RALGPS1: variants seen among roughly 807,000 people sequenced by gnomAD.
The protein encoded by RALGPS1 is ras-specific guanine nucleotide-releasing factor RalGPS1.
A neutral mutation model predicts 78.8 loss-of-function variants in RALGPS1; 19 were observed. That is an observed-to-expected ratio of 0.24 (90% CI 0.17 to 0.35). The LOEUF (loss-of-function observed/expected upper bound fraction) is 0.35, where lower values mean the gene tolerates loss of function less well. Ranked by LOEUF, RALGPS1 falls within the 10% of genes least tolerant of loss-of-function variation. The pLI is 1.00. For missense variants in RALGPS1, 454 were observed against 688.3 expected (o/e 0.66, Z 3.81); for synonymous variants, 228 against 256.3 (o/e 0.89, Z 1.06).
At chr9:126,960,173 TCCC>T (rs2038743529) in intron 1 of RALGPS1, among the ~76,000 whole-genome samples, 2 of 38,740 alleles carry the variant, frequency 5.2e-5, no homozygotes, top group African/African-American at 1.1e-4. Context: ...CTTCCCTCCC[TCCC>T]TCCCTCCCTC....
chr9:127,089,543 G>A (rs959081084), intron 8 of RALGPS1, among the ~76,000 whole-genome samples: 1 of 152,232 alleles, frequency 6.6e-6, no homozygotes, highest in Admixed American at 6.5e-5. Context: ...ATGGCCTGAG[G>A]TGGGCGGGGA....
intron 8 of RALGPS1, among the ~76,000 whole-genome samples, chr9:127,135,529 C>T (rs2057332310): frequency 6.6e-6 from 1 of 152,216 alleles, no homozygotes; most frequent in African/African-American, 2.4e-5. Flanking sequence ...GGAGCCAGGG[C>T]AAAGCCAAAG....
At chr9:127,041,152 C>T (rs1400987992) in intron 5 of RALGPS1, among the ~76,000 whole-genome samples, 1 of 151,400 alleles carries the variant, frequency 6.6e-6, no homozygotes, top group African/African-American at 2.4e-5. Flanking sequence ...AGTGCAGTGG[C>T]GTGATCTCAG....
At chr9:127,214,420 A>G (rs575895848) in intron 17 of RALGPS1, among the ~76,000 whole-genome samples, 23 of 152,332 alleles carry the variant, frequency 1.5e-4, no homozygotes, top group African/African-American at 5.5e-4. Flanking sequence ...CTATAGAATT[A>G]TACTGCTGGT....
At chr9:127,063,311 T>C (rs1312048707) in intron 7 of RALGPS1, among the ~76,000 whole-genome samples, 56 of 152,224 alleles carry the variant, frequency 3.7e-4, no homozygotes, top group Non-Finnish European at 2.5e-4. Context: ...TCTTCAGATA[T>C]TTCTCCAAGA....
rs1163953360 is a variant in RALGPS1, at chr9:127,213,007, C to A, written c.1510C>A (p.Pro504Thr). The A allele has an allele frequency of 6.2e-7, 1 of 1,614,086 alleles. No homozygotes were observed. Among genetic ancestry groups the A allele is most frequent in the Non-Finnish European group, 8.5e-7 (1 of 1,180,060 alleles). Residue 504 changes from proline to threonine, a missense_variant, in exon 17 of 19, where the codon CCC (proline) becomes ACC (threonine). Physicochemically the swap from Pro to Thr is conservative, Grantham distance 38. Coordinates refer to ENST00000259351, the MANE Select transcript of RALGPS1 (RefSeq NM_014636.3). Reference protein sequence around the residue: ...VGWMVQLPDDPEHPDIFQLNN... With the variant: ...VGWMVQLPDDTEHPDIFQLNN... Reference sequence around the variant, plus strand: ...CTGGATGGTGCAGCTGCCCGATGACCCCGAGCACCCAGATATCTTCCAGCT... The same window carrying A: ...CTGGATGGTGCAGCTGCCCGATGACACCGAGCACCCAGATATCTTCCAGCT...
chr9:127,108,209 T>G, intron 8 of RALGPS1: 1 of 1,614,100 alleles, frequency 6.2e-7, no homozygotes, highest in Non-Finnish European at 8.5e-7. Flanking sequence ...TCCTTGTACT[T>G]GCTGGCCAGC....
Position 127,041,031 on chromosome 9 carries a change from T to TTGTGTGTGTGTGTGTGTGTGTG in RALGPS1, c.300+6531_300+6552dup, listed in dbSNP as rs58541875. 2.1e-3 allele frequency among the ~76,000 whole-genome samples: 279 copies of TTGTGTGTGTGTGTGTGTGTGTG among 135,796 alleles called. 2 individuals carry two copies. Among genetic ancestry groups the TTGTGTGTGTGTGTGTGTGTGTG allele is most frequent in the East Asian group, 0.017 (76 of 4,516 alleles). The allele number at this position is 135,796 out of a possible 152,430, so 89.1% of individuals were successfully genotyped here. Reference sequence around the variant, plus strand: ...CTATGAATAAAGCTGCTACAAACATTTGTGTGTGTGTGTGTGTGTGTGTGT... The same window carrying TTGTGTGTGTGTGTGTGTGTGTG: ...CTATGAATAAAGCTGCTACAAACATTTGTGTGTGTGTGTGTGTGTGTGTGTGTGTGTGTGTGTGTGTGTGTGT... On this transcript the variant is annotated intron_variant, in intron 5 of 18. Transcript: ENST00000259351.
At chr9:127,103,524 A>C (rs2053932504) in intron 8 of RALGPS1, among the ~76,000 whole-genome samples, 2 of 152,236 alleles carry the variant, frequency 1.3e-5, no homozygotes, top group African/African-American at 4.8e-5. Flanking sequence ...ACCCCAGAGG[A>C]TATGTCCAGA....
intron 5 of RALGPS1, among the ~76,000 whole-genome samples, chr9:127,045,760 C>T (rs60277916): frequency 0.02 from 717 of 36,220 alleles, 3 homozygotes; most frequent in Middle Eastern, 0.047. Flanking sequence ...CACACACACA[C>T]ATACACACAC....
rs751839755 is a variant in RALGPS1, at chr9:127,166,132, A to G, written c.674A>G (p.Glu225Gly). The change falls in exon 9 of 19, where the codon GAA (glutamate) becomes GGA (glycine). Residue 225 changes from glutamate to glycine, a missense_variant. Glu to Gly is a moderately conservative substitution (Grantham distance 98). Coordinates refer to ENST00000259351, the MANE Select transcript of RALGPS1 (RefSeq NM_014636.3). ...SAYPASGSIM[E>G]NEQRSNQMNN... is the part of the protein sequence containing the mutation. The stretch of plus-strand genomic sequence containing the variant: ...TATCCTGCCTCAGGCAGTATCATGG[A>G]AAATGAACAAAGATCCAATCAGATG... 6.8e-6 allele frequency: 11 copies of G among 1,613,524 alleles called. No homozygotes were observed. The highest frequency in any genetic ancestry group is 9.3e-6 in the Non-Finnish European group (11 of 1,179,910).
chr9:126,922,188 G>A (rs550423580), intron 1 of RALGPS1, among the ~76,000 whole-genome samples: 36 of 152,296 alleles, frequency 2.4e-4, no homozygotes, highest in Middle Eastern at 6.8e-3. Context: ...CCATTATTCC[G>A]TGTAAATGAT....
At chr9:127,042,335 C>T (rs1461282035) in intron 5 of RALGPS1, among the ~76,000 whole-genome samples, 1 of 152,100 alleles carries the variant, frequency 6.6e-6, no homozygotes. Context: ...TGGGGTTATG[C>T]TCCGGGTGTG....
chr9:126,990,930 C>T (rs986240518), intron 4 of RALGPS1, among the ~76,000 whole-genome samples: 1 of 152,124 alleles, frequency 6.6e-6, no homozygotes, highest in Admixed American at 6.5e-5. Context: ...ACTAAAATCC[C>T]TTGAATCCTT....
At chr9:127,181,773 G>A (rs1252919974) in intron 11 of RALGPS1, among the ~76,000 whole-genome samples, 1 of 152,048 alleles carries the variant, frequency 6.6e-6, no homozygotes, top group Non-Finnish European at 1.5e-5. Context: ...GCAACTGGGG[G>A]AGAGGATACA....
chr9:127,122,019 C>T lies in RALGPS1; in HGVS notation c.611-44050C>T, dbSNP rs1224513339. 6.6e-6 allele frequency among the ~76,000 whole-genome samples: 1 copy of T among 152,186 alleles called. No homozygotes were observed. The highest frequency in any genetic ancestry group is 2.4e-5 in the African/African-American group (1 of 41,448). Reference sequence around the variant, plus strand: ...GCACACTCCCAGCTGCTCTGCCGTGCCGGGAGCTGCCGGCCGGCACCCCAA... The same window carrying T: ...GCACACTCCCAGCTGCTCTGCCGTGTCGGGAGCTGCCGGCCGGCACCCCAA... On this transcript the variant is annotated intron_variant, in intron 8 of 18. Transcript: ENST00000259351. The surrounding 1 kb of genome is among the most constrained non-coding windows in gnomAD (Gnocchi z 6.4).
chr9:127,069,791 T>A (rs891471649), intron 8 of RALGPS1: 11 of 153,074 alleles, frequency 7.2e-5, no homozygotes, highest in Admixed American at 7.2e-4. Flanking sequence ...TAATGCATGT[T>A]AATTGTAAGG....
At position 127,099,999 on chromosome 9, in the gene RALGPS1, A is replaced by G. The variant is rs572924590; in HGVS notation, c.610+30643A>G. Among the ~76,000 whole-genome samples the G allele has an allele frequency of 3.9e-5, 6 of 152,306 alleles. No homozygotes were observed. In the South Asian group the frequency reaches 1.0e-3, roughly 26 times the overall value. On this transcript the variant is annotated intron_variant, in intron 8 of 18. Coordinates refer to ENST00000259351, the MANE Select transcript of RALGPS1 (RefSeq NM_014636.3). ...TATGAAAAGAAAACTGCAAAATCAA[A>G]ATTTATTGTATGTAATTAAATTACT...
At position 127,221,498 on chromosome 9, in the gene RALGPS1, GTC is replaced by G. The variant is rs2062774303; in HGVS notation, c.*2736_*2737del. On this transcript the variant is annotated 3_prime_UTR_variant, in exon 19 of 19. Coordinates refer to ENST00000259351, the MANE Select transcript of RALGPS1 (RefSeq NM_014636.3). ...ACCTCTCTCCCTAGGACTAATTTTTGTCTCTCTCAGTTGAACATGTTTTGTCA... is the reference window on the plus strand; with the variant it reads ...ACCTCTCTCCCTAGGACTAATTTTTGTCTCTCAGTTGAACATGTTTTGTCA... 1 of 152,084 alleles carries G rather than the reference GTC, an allele frequency of 6.6e-6. No individual in the cohort carries two copies. Among genetic ancestry groups the G allele is most frequent in the African/African-American group, 2.4e-5 (1 of 41,412 alleles). 9.4% of individuals were successfully genotyped at this position (152,084 alleles called of 1,614,324 possible).
Sources: gnomAD v4.1 joint callset for allele counts (sites outside exome capture counted in the v4.1 genomes callset) on GRCh38, gnomAD v4.1.1 for gene constraint, Gnocchi (gnomAD v3.1) non-coding constraint, MANE v1.5 for transcripts, NCBI Gene and HGNC (gene_info 2026-07-23, HGNC 2026-07-21) for gene names.